RANBP17: variants seen among roughly 807,000 people sequenced by gnomAD.
RANBP17 encodes ran-binding protein 17.
Under a neutral mutation model 141.2 loss-of-function variants are expected in RANBP17, and 158 were observed. The observed-to-expected ratio is 1.12, with a 90% CI of 0.98 to 1.28. The LOEUF is 1.28. Ranked by LOEUF, RANBP17 falls within the 50% of genes most tolerant of loss-of-function variation. The probability of loss-of-function intolerance (pLI) is 0.00; values close to 1 mark genes in which losing one functional copy is unlikely to be tolerated. For missense variants in RANBP17, 1,438 were observed against 1,290.7 expected (o/e 1.11, Z -1.75); for synonymous variants, 430 against 450.0 (o/e 0.96, Z 0.56).
intron 20 of RANBP17, among the ~76,000 whole-genome samples, chr5:171,209,801 G>C (rs10064963): frequency 6.6e-6 from 1 of 152,188 alleles, no homozygotes; most frequent in Admixed American, 6.5e-5. Context: ...CAAAGGTCCA[G>C]ATGTTTACAT....
At chr5:170,876,276 G>T (rs1479287790) in intron 1 of RANBP17, among the ~76,000 whole-genome samples, 3 of 152,030 alleles carry the variant, frequency 2.0e-5, no homozygotes, top group African/African-American at 7.2e-5. Context: ...CAGTCCTGGT[G>T]ACAGAACCTG....
chr5:171,123,360 C>A (rs1756185990), intron 14 of RANBP17, among the ~76,000 whole-genome samples: 1 of 152,234 alleles, frequency 6.6e-6, no homozygotes, highest in Non-Finnish European at 1.5e-5. Flanking sequence ...CAGATGCCAG[C>A]ACCCACACAC....
At chr5:171,189,716 CAG>C (rs756869303) in intron 18 of RANBP17, among the ~76,000 whole-genome samples, 1 of 152,156 alleles carries the variant, frequency 6.6e-6, no homozygotes, top group African/African-American at 2.4e-5. Context: ...GCTCTCTGTT[CAG>C]AGTGTTATTA....
At chr5:170,962,858 C>T (rs1184000436) in intron 13 of RANBP17, among the ~76,000 whole-genome samples, 1 of 152,026 alleles carries the variant, frequency 6.6e-6, no homozygotes, top group African/African-American at 2.4e-5. Context: ...ACTATAAAAA[C>T]GCTTGTCAAA....
chr5:170,948,021 T>C (rs1774902650), intron 12 of RANBP17, among the ~76,000 whole-genome samples: 1 of 152,166 alleles, frequency 6.6e-6, no homozygotes. Flanking sequence ...GTGATGAGTA[T>C]TTGAAGACAG....
chr5:170,910,885 A>T, intron 6 of RANBP17, 84 bp from the exon 7 acceptor site: 1 of 1,315,876 alleles, frequency 7.6e-7, no homozygotes, highest in Non-Finnish European at 1.1e-6. Flanking sequence ...TTTTCATTTG[A>T]CATTGAAAAA....
At chr5:170,977,125 A>C (rs1777438500) in intron 14 of RANBP17, among the ~76,000 whole-genome samples, 1 of 152,142 alleles carries the variant, frequency 6.6e-6, no homozygotes, top group Non-Finnish European at 1.5e-5. Context: ...GAATCTATAA[A>C]GAATTCTTAT....
intron 14 of RANBP17, among the ~76,000 whole-genome samples, chr5:171,047,354 CG>C (rs1273549652): frequency 3.3e-5 from 5 of 150,194 alleles, no homozygotes; most frequent in Admixed American, 1.3e-4. Context: ...TGATGTTGAA[CG>C]GTTTTTTTTT....
intron 14 of RANBP17, chr5:170,968,780 A>G (rs1776778682): frequency 2.2e-6 from 1 of 451,498 alleles, no homozygotes. Context: ...GTACATGATT[A>G]AATAATGAGG....
chr5:170,970,376 A>G (rs1581269882), intron 14 of RANBP17: 2 of 152,110 alleles, frequency 1.3e-5, no homozygotes, highest in African/African-American at 4.8e-5. Flanking sequence ...TAATTGTATC[A>G]TGTAGAGTAT....
chr5:170,943,506 C>A (rs1249237940), intron 12 of RANBP17, among the ~76,000 whole-genome samples: 2 of 151,920 alleles, frequency 1.3e-5, no homozygotes, highest in Non-Finnish European at 2.9e-5. Context: ...ATTATTACAG[C>A]AATAATTATT....
intron 12 of RANBP17, among the ~76,000 whole-genome samples, chr5:170,948,192 G>T (rs571894068): frequency 6.6e-6 from 1 of 152,156 alleles, no homozygotes; most frequent in Non-Finnish European, 1.5e-5. Flanking sequence ...AACAGTCATG[G>T]TTTTGTAAGA....
intron 1 of RANBP17, among the ~76,000 whole-genome samples, chr5:170,872,275 A>G (rs371217076): frequency 1.7e-4 from 26 of 152,042 alleles, no homozygotes; most frequent in African/African-American, 5.3e-4. Context: ...CTTTGTAGCA[A>G]TTGTGAATGG....
chr5:171,150,405 TA>T (rs1302672225), intron 14 of RANBP17, among the ~76,000 whole-genome samples: 2 of 152,070 alleles, frequency 1.3e-5, no homozygotes, highest in Admixed American at 1.3e-4. Flanking sequence ...ATGTAAATAT[TA>T]ATTTATATGT....
chr5:171,241,304 CT>C (rs370226479), intron 23 of RANBP17, among the ~76,000 whole-genome samples, 162 bp downstream of exon 23: 660 of 133,154 alleles, frequency 5.0e-3, no homozygotes, highest in Middle Eastern at 7.3e-3. Flanking sequence ...ACTATAGTGG[CT>C]TTTTTTTTTT....
intron 14 of RANBP17, among the ~76,000 whole-genome samples, chr5:171,022,127 A>G (rs1285248958): frequency 6.6e-6 from 1 of 152,006 alleles, no homozygotes; most frequent in Non-Finnish European, 1.5e-5. Flanking sequence ...ATACCTGGAG[A>G]TGTCACTCAA....
intron 14 of RANBP17, among the ~76,000 whole-genome samples, chr5:171,113,660 A>T (rs1052823870): frequency 6.6e-6 from 1 of 152,168 alleles, no homozygotes; most frequent in Non-Finnish European, 1.5e-5. Flanking sequence ...CACATAGCTA[A>T]TAAAAAAAGG....
chr5:170,867,554 G>A (rs1362121208), intron 1 of RANBP17, among the ~76,000 whole-genome samples: 1 of 152,162 alleles, frequency 6.6e-6, no homozygotes, highest in Non-Finnish European at 1.5e-5. Context: ...TGGGAAATGA[G>A]TAACTTCAAA....
At chr5:171,271,887 A>G (rs1767138274) in intron 25 of RANBP17, among the ~76,000 whole-genome samples, 1 of 152,190 alleles carries the variant, frequency 6.6e-6, no homozygotes, top group African/African-American at 2.4e-5. Flanking sequence ...TGGGAAGAAA[A>G]ATAATATTGG....
Sources: allele counts gnomAD v4.1 joint callset (sites outside exome capture counted in the v4.1 genomes callset), GRCh38; gene constraint gnomAD v4.1.1; transcripts MANE v1.5; gene names NCBI Gene and HGNC (gene_info 2026-07-23, HGNC 2026-07-21).